RIMS2: variants seen among roughly 807,000 people sequenced by gnomAD.
RIMS2 encodes regulating synaptic membrane exocytosis protein 2.
In RIMS2, 59 loss-of-function variants were observed where a neutral mutation model predicts 174.4. The observed-to-expected ratio is 0.34, with a 90% CI of 0.27 to 0.42. The LOEUF (loss-of-function observed/expected upper bound fraction) is 0.42, where lower values mean the gene tolerates loss of function less well. Ranked by LOEUF, RIMS2 falls within the 10% of genes least tolerant of loss-of-function variation. The pLI is 1.00. For synonymous variants in RIMS2, 606 were observed against 572.5 expected (o/e 1.06, Z -0.84); for missense variants, 1,620 against 1,666.3 (o/e 0.97, Z 0.48).
chr8:103,828,275 C>T (rs907013788), intron 3 of RIMS2, among the ~76,000 whole-genome samples: 1 of 152,012 alleles, frequency 6.6e-6, no homozygotes, highest in African/African-American at 2.4e-5. Context: ...GTTATTTATC[C>T]CTTAAATATT....
rs1445255544 is a variant in RIMS2, at chr8:103,669,197, C to T, written c.177-27889C>T. ...TGAGAGCCATGCGAAAGTGTTTCCCCTTATGAAACCATCAGATCTCGTGAG... is the reference window on the plus strand; with the variant it reads ...TGAGAGCCATGCGAAAGTGTTTCCCTTTATGAAACCATCAGATCTCGTGAG... On this transcript the variant is annotated intron_variant, in intron 1 of 23. Coordinates refer to ENST00000504942, the Ensembl canonical transcript of RIMS2. Among the ~76,000 whole-genome samples, 3 of 152,116 alleles carry T rather than the reference C, an allele frequency of 2.0e-5. No homozygotes were observed. The East Asian group carries it at 5.8e-4, about 29-fold the overall frequency.
chr8:103,631,286 T>G (rs1200005374), intron 1 of RIMS2, among the ~76,000 whole-genome samples: 1 of 152,228 alleles, frequency 6.6e-6, no homozygotes, highest in African/African-American at 2.4e-5. Context: ...CATCTTGAGT[T>G]GATTGTTGTA....
At position 103,734,389 on chromosome 8, in the gene RIMS2, A is replaced by C. The variant is rs1369220872; in HGVS notation, c.388-31838A>C. Among the ~76,000 whole-genome samples, 5 of 147,954 alleles carry C rather than the reference A, an allele frequency of 3.4e-5. No homozygotes were observed. The East Asian group carries it at 7.9e-4, about 23-fold the overall frequency. On this transcript the variant is annotated intron_variant, in intron 2 of 23. Transcript: ENST00000504942. ...GGATAAAATATTTCAACTTTTGTAC[A>C]TCTGAAAATGTATTTTATCCATATT...
chr8:103,741,435 A>C (rs546380872), intron 2 of RIMS2, among the ~76,000 whole-genome samples: 4 of 152,224 alleles, frequency 2.6e-5, no homozygotes, highest in Non-Finnish European at 4.4e-5. Flanking sequence ...ATCATCACAA[A>C]TTATTTTTAA....
chr8:104,225,130 T>C (rs1263284678), intron 19 of RIMS2, among the ~76,000 whole-genome samples: 2 of 152,218 alleles, frequency 1.3e-5, no homozygotes, highest in Admixed American at 6.5e-5. Context: ...GTACTTATTA[T>C]TAGTCCGGCA....
intron 16 of RIMS2, among the ~76,000 whole-genome samples, chr8:103,985,035 C>T (rs570309638): frequency 6.6e-6 from 1 of 152,188 alleles, no homozygotes; most frequent in East Asian, 1.9e-4. Flanking sequence ...TTACCAGAGG[C>T]TGGGATGGGT....
At chr8:104,248,951 CAG>C (rs558886681) in intron 21 of RIMS2, 138 bp downstream of exon 27, 55 of 460,486 alleles carry the variant, frequency 1.2e-4, no homozygotes, top group Non-Finnish European at 2.0e-4. Flanking sequence ...TTTTTTAAGA[CAG>C]AGTTTCACTC....
intron 19 of RIMS2, chr8:104,068,570 A>T: frequency 6.4e-7 from 1 of 1,572,976 alleles, no homozygotes; most frequent in Non-Finnish European, 8.6e-7. Context: ...ACAAACAGGT[A>T]GCCGGATCAG....
At chr8:104,101,376 G>A (rs564715122) in intron 19 of RIMS2, among the ~76,000 whole-genome samples, 10 of 152,000 alleles carry the variant, frequency 6.6e-5, no homozygotes, top group African/African-American at 1.7e-4. Context: ...TGATCCACCC[G>A]CCTCGGCCTC....
At chr8:103,768,880 A>G in intron 3 of RIMS2, 1 of 520,434 alleles carries the variant, frequency 1.9e-6, no homozygotes, top group East Asian at 4.1e-5. Context: ...GCATACTAAG[A>G]AAAATTAGGA....
At chr8:103,653,107 A>G (rs896230097) in intron 1 of RIMS2, among the ~76,000 whole-genome samples, 1 of 152,188 alleles carries the variant, frequency 6.6e-6, no homozygotes, top group African/African-American at 2.4e-5. Flanking sequence ...AAAAAGGTTA[A>G]GCAAGTTTCT....
chr8:104,094,270 G>T (rs2097714818), intron 19 of RIMS2, among the ~76,000 whole-genome samples: 1 of 151,914 alleles, frequency 6.6e-6, no homozygotes, highest in African/African-American at 2.4e-5. Context: ...AGGAAAATAT[G>T]ATTTAAAAAC....
chr8:103,605,733 G>T (rs944215645), intron 1 of RIMS2, among the ~76,000 whole-genome samples: 5 of 152,142 alleles, frequency 3.3e-5, no homozygotes, highest in African/African-American at 1.2e-4. Flanking sequence ...TCTTGGGAGA[G>T]TGTATGTGTC....
At chr8:103,697,436 CG>C in intron 2 of RIMS2, 140 bp downstream of exon 4, 1 of 718,026 alleles carries the variant, frequency 1.4e-6, no homozygotes, top group African/African-American at 1.8e-5. Context: ...TGGCCAGACA[CG>C]ATGGCTCACG....
chr8:104,193,728 T>C (rs568984025), intron 19 of RIMS2, among the ~76,000 whole-genome samples: 1 of 152,338 alleles, frequency 6.6e-6, no homozygotes, highest in South Asian at 2.1e-4. Flanking sequence ...TTAACTTGTG[T>C]TTCTTTGATA....
chr8:103,752,437 C>CT (rs1379907278), intron 2 of RIMS2, among the ~76,000 whole-genome samples: 1 of 152,000 alleles, frequency 6.6e-6, no homozygotes, highest in Non-Finnish European at 1.5e-5. Context: ...GATGCGGGCT[C>CT]TTTTTTGGTT....
At chr8:103,573,856 ATTTG>A (rs780731110) in intron 1 of RIMS2, among the ~76,000 whole-genome samples, 4 of 152,090 alleles carry the variant, frequency 2.6e-5, no homozygotes, top group Non-Finnish European at 4.4e-5. Flanking sequence ...ATGTTTTTCC[ATTTG>A]TTTGTGTCCT....
intron 19 of RIMS2, among the ~76,000 whole-genome samples, chr8:104,169,932 T>C (rs934279823): frequency 1.1e-4 from 16 of 152,086 alleles, no homozygotes; most frequent in African/African-American, 3.9e-4. Context: ...CAAAAATGAT[T>C]CAAGAGCAGA....
At chr8:103,880,730 TA>T (rs2099163216) in intron 3 of RIMS2, 2 of 462,050 alleles carry the variant, frequency 4.3e-6, no homozygotes, top group Admixed American at 7.3e-5. Flanking sequence ...TTGTGATATG[TA>T]AAAATTTATA....
Sources: gnomAD v4.1 joint callset for allele counts (sites outside exome capture counted in the v4.1 genomes callset) on GRCh38, gnomAD v4.1.1 for gene constraint, MANE v1.5 for transcripts, NCBI Gene and HGNC (gene_info 2026-07-23, HGNC 2026-07-21) for gene names.